Variants in NWD2 observed in about 807,000 individuals in gnomAD.
The protein encoded by NWD2 is NACHT and WD repeat domain containing 2.
Under a neutral mutation model 132.7 loss-of-function variants are expected in NWD2, and 37 were observed. That is an observed-to-expected ratio of 0.28 (90% CI 0.21 to 0.37). NWD2 has a LOEUF of 0.37. NWD2 is among the 10% of genes least tolerant of loss of function. The pLI is 1.00. For synonymous variants in NWD2, 705 were observed against 803.0 expected (o/e 0.88, Z 2.06); for missense variants, 1,592 against 2,122.4 (o/e 0.75, Z 4.91).
chr4:37,328,353 A>G (rs1214877445), intron 2 of NWD2, among the ~76,000 whole-genome samples: 2 of 152,064 alleles, frequency 1.3e-5, no homozygotes, highest in African/African-American at 2.4e-5. Flanking sequence ...CCATCAACCC[A>G]TCATCTACAT....
intron 1 of NWD2, among the ~76,000 whole-genome samples, chr4:37,317,392 C>G (rs933326514): frequency 6.6e-6 from 1 of 152,176 alleles, no homozygotes; most frequent in Non-Finnish European, 1.5e-5. Context: ...AAGCCATATG[C>G]TAGCTGAGGC....
At chr4:37,327,554 CTTCA>C (rs1027172880) in intron 2 of NWD2, among the ~76,000 whole-genome samples, 9 of 152,060 alleles carry the variant, frequency 5.9e-5, no homozygotes, top group African/African-American at 2.2e-4. Flanking sequence ...CCTGCCTATC[CTTCA>C]GTTCAGTGTC....
intron 3 of NWD2, among the ~76,000 whole-genome samples, chr4:37,389,936 T>G (rs886551298): frequency 1.3e-5 from 2 of 152,216 alleles, no homozygotes; most frequent in African/African-American, 4.8e-5. Context: ...CCCACCACCA[T>G]GCCTGGCTAA....
intron 1 of NWD2, among the ~76,000 whole-genome samples, chr4:37,306,858 T>G (rs2109278872): frequency 6.6e-6 from 1 of 151,764 alleles, no homozygotes; most frequent in East Asian, 1.9e-4. Context: ...CTGTCTCTAC[T>G]AAAAAAATAC....
At chr4:37,343,910 T>A (rs2109295919) in intron 2 of NWD2, among the ~76,000 whole-genome samples, 1 of 152,302 alleles carries the variant, frequency 6.6e-6, no homozygotes, top group East Asian at 1.9e-4. Context: ...TTTGCTGGTT[T>A]TTTGTTTTTA....
chr4:37,341,584 A>G (rs1040461632), intron 2 of NWD2, among the ~76,000 whole-genome samples: 3 of 152,168 alleles, frequency 2.0e-5, no homozygotes, highest in Non-Finnish European at 4.4e-5. Context: ...GAGCTCATAA[A>G]TCAGGTCATG....
At chr4:37,403,311 A>G (rs1720933310) in intron 3 of NWD2, among the ~76,000 whole-genome samples, 2 of 152,206 alleles carry the variant, frequency 1.3e-5, no homozygotes, top group Non-Finnish European at 1.5e-5. Flanking sequence ...ACCTAGTGAT[A>G]TGGATCAAGG....
intron 1 of NWD2, among the ~76,000 whole-genome samples, chr4:37,319,667 G>T (rs10025049): frequency 0.073 from 11,066 of 152,156 alleles, 1,239 homozygotes; most frequent in African/African-American, 0.24. Context: ...AAAGATAGGG[G>T]TACAGTTTCA....
chr4:37,278,764 A>G (rs1718073145), intron 1 of NWD2, among the ~76,000 whole-genome samples: 1 of 152,142 alleles, frequency 6.6e-6, no homozygotes, highest in Non-Finnish European at 1.5e-5. Context: ...CCATTTCCCA[A>G]AACGCATACA....
chr4:37,382,485 C>T (rs557579405), intron 3 of NWD2, among the ~76,000 whole-genome samples: 1 of 152,136 alleles, frequency 6.6e-6, no homozygotes, highest in Non-Finnish European at 1.5e-5. Context: ...TTGCAAATTT[C>T]GACATTTGGA....
At position 37,323,088 on chromosome 4, in the gene NWD2, T is replaced by C. The variant is rs188021894; in HGVS notation, c.152-2848T>C. On this transcript the variant is annotated intron_variant, in intron 1 of 6. Coordinates refer to ENST00000309447, the MANE Select transcript of NWD2 (RefSeq NM_001144990.2). ...TTTTCTAACCCCTCTGCCCTTTGGT[T>C]TCTTTGCCTAAAAAACATGGTAATA... Among the ~76,000 whole-genome samples the C allele has an allele frequency of 1.5e-3, 231 of 152,272 alleles. 1 individual carries two copies. Among genetic ancestry groups the C allele is most frequent in the Admixed American group, 3.3e-3 (51 of 15,288 alleles).
chr4:37,281,924 T>G (rs1040166323), intron 1 of NWD2, among the ~76,000 whole-genome samples: 14 of 152,214 alleles, frequency 9.2e-5, no homozygotes, highest in Non-Finnish European at 1.5e-4. Flanking sequence ...TGAGAAAGTA[T>G]GGCTAAACAT....
intron 3 of NWD2, among the ~76,000 whole-genome samples, chr4:37,368,988 C>T (rs1394944031): frequency 6.6e-6 from 1 of 152,014 alleles, no homozygotes; most frequent in Non-Finnish European, 1.5e-5. Context: ...GAAAGGTGGG[C>T]ATAGATTAGA....
At chr4:37,375,389 G>A (rs1173865870) in intron 3 of NWD2, among the ~76,000 whole-genome samples, 1 of 152,060 alleles carries the variant, frequency 6.6e-6, no homozygotes, top group African/African-American at 2.4e-5. Context: ...CGTGCTAAGT[G>A]CTTATCTATA....
Position 37,418,459 on chromosome 4 carries a change from C to T in NWD2, c.358-12113C>T, listed in dbSNP as rs147329759. Among the ~76,000 whole-genome samples the T allele has an allele frequency of 3.7e-3, 564 of 152,116 alleles. 3 individuals carry two copies. Among genetic ancestry groups the T allele is most frequent in the Admixed American group, 6.5e-3 (100 of 15,268 alleles). ...AAATGTGGGCTACACATAATGATTTCCTTCTAACGAGTACAGTATGAAAAT... is the reference window on the plus strand; with the variant it reads ...AAATGTGGGCTACACATAATGATTTTCTTCTAACGAGTACAGTATGAAAAT... On this transcript the variant is annotated intron_variant, in intron 3 of 6. Transcript: ENST00000309447.
intron 1 of NWD2, among the ~76,000 whole-genome samples, chr4:37,280,356 G>T (rs543687824): frequency 3.3e-5 from 5 of 152,116 alleles, no homozygotes; most frequent in Non-Finnish European, 5.9e-5. Context: ...AGGTTACAAG[G>T]TGGGAACCAG....
intron 1 of NWD2, among the ~76,000 whole-genome samples, chr4:37,269,410 T>A (rs547966995): frequency 1.3e-5 from 2 of 152,030 alleles, no homozygotes; most frequent in Non-Finnish European, 2.9e-5. Flanking sequence ...TTATATACAA[T>A]GAAATGCATC....
chr4:37,274,930 CAAAAT>C (rs1717973692), intron 1 of NWD2, among the ~76,000 whole-genome samples: 1 of 152,082 alleles, frequency 6.6e-6, no homozygotes, highest in African/African-American at 2.4e-5. Flanking sequence ...GGACATATCT[CAAAAT>C]AATAAGAGCT....
chr4:37,405,854 C>T (rs1040057769), intron 3 of NWD2, among the ~76,000 whole-genome samples: 1 of 152,090 alleles, frequency 6.6e-6, no homozygotes, highest in Non-Finnish European at 1.5e-5. Flanking sequence ...AAAGGGGGAC[C>T]AGGGGATTTA....
Sources: allele counts gnomAD v4.1 joint callset (sites outside exome capture counted in the v4.1 genomes callset), GRCh38; gene constraint gnomAD v4.1.1; transcripts MANE v1.5; gene names NCBI Gene and HGNC (gene_info 2026-07-23, HGNC 2026-07-21).